Variants in NXPH1 observed in about 807,000 individuals in gnomAD.
NXPH1 encodes the protein neurexophilin-1.
In NXPH1, 5 loss-of-function variants were observed where a neutral mutation model predicts 23.7. The observed-to-expected ratio is 0.21, with a 90% CI of 0.11 to 0.44. The LOEUF is 0.44. NXPH1 is among the 20% of genes least tolerant of loss of function. NXPH1 has a pLI of 0.99. For missense variants in NXPH1, 324 were observed against 321.6 expected (o/e 1.01, Z -0.06); for synonymous variants, 144 against 122.2 (o/e 1.18, Z -1.18).
intron 2 of NXPH1, among the ~76,000 whole-genome samples, chr7:8,697,576 C>T (rs1779555052): frequency 6.6e-6 from 1 of 152,024 alleles, no homozygotes; most frequent in East Asian, 1.9e-4. Flanking sequence ...TGGTGTGTCT[C>T]TTTTTTTGTA....
intron 2 of NXPH1, among the ~76,000 whole-genome samples, chr7:8,579,378 T>C (rs1818821683): frequency 6.6e-6 from 1 of 151,088 alleles, no homozygotes; most frequent in African/African-American, 2.4e-5. Flanking sequence ...TTTTTTTTGT[T>C]TTGTTTTTCT....
intron 2 of NXPH1, among the ~76,000 whole-genome samples, chr7:8,688,401 A>C (rs1821178990): frequency 6.6e-6 from 1 of 152,168 alleles, no homozygotes; most frequent in Non-Finnish European, 1.5e-5. Context: ...ATATCTGGGT[A>C]AATGTGGTTC....
chr7:8,742,536 T>G (rs1284181644), intron 2 of NXPH1, among the ~76,000 whole-genome samples: 5 of 152,150 alleles, frequency 3.3e-5, no homozygotes, highest in Admixed American at 3.3e-4. Context: ...TATCTGAATA[T>G]ACTAGCTGAG....
chr7:8,489,280 G>C (rs926403151), intron 2 of NXPH1, among the ~76,000 whole-genome samples: 1 of 151,994 alleles, frequency 6.6e-6, no homozygotes, highest in African/African-American at 2.4e-5. Context: ...ATATCGAAAA[G>C]GACCCTTCTT....
chr7:8,604,727 C>T (rs1819444776), intron 2 of NXPH1, among the ~76,000 whole-genome samples: 1 of 151,946 alleles, frequency 6.6e-6, no homozygotes, highest in African/African-American at 2.4e-5. Context: ...AGGCAGGTTC[C>T]AATATGGTAC....
Position 8,580,145 on chromosome 7 carries a change from T to C in NXPH1, c.54+144378T>C, listed in dbSNP as rs1422205730. 2.0e-5 allele frequency among the ~76,000 whole-genome samples: 3 copies of C among 152,108 alleles called. No individual in the cohort carries two copies. In the East Asian group the frequency reaches 5.8e-4, roughly 29 times the overall value. ...TCACTGGGGAACGGGCATGTAAGGATATGGACGGGACTTATGACCTTCCAT... is the reference window on the plus strand; with the variant it reads ...TCACTGGGGAACGGGCATGTAAGGACATGGACGGGACTTATGACCTTCCAT... On this transcript the variant is annotated intron_variant, in intron 2 of 2. Transcript: ENST00000405863.
chr7:8,731,090 T>C, intron 2 of NXPH1, among the ~76,000 whole-genome samples: 1 of 151,610 alleles, frequency 6.6e-6, no homozygotes, highest in Non-Finnish European at 1.5e-5. Context: ...TTTCATTCAT[T>C]TCATCTTCTA....
chr7:8,730,278 T>A (rs1268188413), intron 2 of NXPH1, among the ~76,000 whole-genome samples: 2 of 148,842 alleles, frequency 1.3e-5, no homozygotes, highest in Non-Finnish European at 3.0e-5. Flanking sequence ...CACTGATGGG[T>A]CTTGACTCTT....
intron 2 of NXPH1, among the ~76,000 whole-genome samples, chr7:8,658,967 G>C (rs1003292372): frequency 6.6e-6 from 1 of 151,820 alleles, no homozygotes; most frequent in Non-Finnish European, 1.5e-5. Flanking sequence ...GAATAGTAAA[G>C]GGAAAGCTGG....
chr7:8,438,333 C>A (rs556640811), intron 2 of NXPH1, among the ~76,000 whole-genome samples: 11 of 152,332 alleles, frequency 7.2e-5, no homozygotes, highest in African/African-American at 2.6e-4. Flanking sequence ...TTGTAAGAAC[C>A]TGCACTGGAT....
At chr7:8,582,789 C>T (rs756158588) in intron 2 of NXPH1, among the ~76,000 whole-genome samples, 1 of 152,206 alleles carries the variant, frequency 6.6e-6, no homozygotes, top group South Asian at 2.1e-4. Context: ...GACAGTCCAG[C>T]CCCCATGCTT....
intron 2 of NXPH1, among the ~76,000 whole-genome samples, chr7:8,552,678 G>T (rs538903150): frequency 2.6e-5 from 4 of 151,542 alleles, no homozygotes; most frequent in African/African-American, 9.7e-5. Context: ...TTTTTCTCTT[G>T]GATGCGAAGG....
intron 2 of NXPH1, among the ~76,000 whole-genome samples, chr7:8,568,743 T>G (rs1818593706): frequency 6.6e-6 from 1 of 151,796 alleles, no homozygotes; most frequent in Admixed American, 6.6e-5. Context: ...TGCTGGTACT[T>G]GAGGTCTATG....
intron 2 of NXPH1, among the ~76,000 whole-genome samples, chr7:8,472,828 T>C (rs935677595): frequency 1.2e-4 from 18 of 152,188 alleles, no homozygotes; most frequent in African/African-American, 4.3e-4. Context: ...CAGAAAGATC[T>C]AGACTAAACA....
At chr7:8,481,440 G>A (rs906927602) in intron 2 of NXPH1, among the ~76,000 whole-genome samples, 3 of 152,062 alleles carry the variant, frequency 2.0e-5, no homozygotes, top group Admixed American at 6.6e-5. Flanking sequence ...TGATTTGAGG[G>A]TTTGAGGGTA....
At chr7:8,721,986 G>C (rs1466856243) in intron 2 of NXPH1, among the ~76,000 whole-genome samples, 1 of 152,046 alleles carries the variant, frequency 6.6e-6, no homozygotes, top group Non-Finnish European at 1.5e-5. Context: ...GTTACCTTGG[G>C]TTTACTTTAG....
At chr7:8,746,830 C>A (rs547412507) in intron 2 of NXPH1, among the ~76,000 whole-genome samples, 19 of 150,768 alleles carry the variant, frequency 1.3e-4, no homozygotes, top group African/African-American at 4.4e-4. Flanking sequence ...ATTTTCTCCC[C>A]ATTTTCTTCT....
intron 2 of NXPH1, among the ~76,000 whole-genome samples, chr7:8,544,652 T>G (rs1343501895): frequency 6.6e-6 from 1 of 151,640 alleles, no homozygotes; most frequent in Non-Finnish European, 1.5e-5. Context: ...TTTGTATTTG[T>G]ATGAATTTTT....
chr7:8,683,231 T>C (rs1205364161), intron 2 of NXPH1, among the ~76,000 whole-genome samples: 2 of 152,190 alleles, frequency 1.3e-5, no homozygotes, highest in African/African-American at 4.8e-5. Context: ...CATAAATGCA[T>C]AGAGCAAGAA....
Sources: allele counts gnomAD v4.1 joint callset (sites outside exome capture counted in the v4.1 genomes callset), GRCh38; gene constraint gnomAD v4.1.1; transcripts MANE v1.5; gene names NCBI Gene and HGNC (gene_info 2026-07-23, HGNC 2026-07-21).